Variants in ACTN2 observed in about 807,000 individuals in gnomAD.
The protein encoded by ACTN2 is alpha-actinin-2.
ACTN2 carries 39 observed loss-of-function variants against 113.8 expected under a neutral mutation model. That is an observed-to-expected ratio of 0.34 (90% CI 0.27 to 0.45). The LOEUF (loss-of-function observed/expected upper bound fraction) is 0.45. Ranked by LOEUF, ACTN2 falls within the 20% of genes least tolerant of loss-of-function variation. The pLI, the probability that ACTN2 is intolerant of heterozygous loss-of-function variation, is 1.00. For missense variants in ACTN2, 992 were observed against 1,177.9 expected (o/e 0.84, Z 2.31); for synonymous variants, 429 against 444.1 (o/e 0.97, Z 0.43).
At position 236,757,684 on chromosome 1, in the gene ACTN2, A is replaced by G. The variant is rs376216315; in HGVS notation, c.2301+52A>G. The G allele has an allele frequency of 3.7e-6, 6 of 1,604,784 alleles. No individual in the cohort carries two copies. The African/African-American group carries it at 6.7e-5, about 18-fold the overall frequency. ...CAATACTGGGGACATTAAACAATGT[A>G]TCTGAAATAATATGCATGCTCTCGT... On this transcript the variant is annotated intron_variant, in intron 18 of 20. Transcript: ENST00000366578.
Position 236,762,692 on chromosome 1 carries a change from CT to C in ACTN2, c.*76del, listed in dbSNP as rs1288440420. 2 of 1,538,338 alleles carry C rather than the reference CT, an allele frequency of 1.3e-6. No individual in the cohort carries two copies. Among genetic ancestry groups the C allele is most frequent in the African/African-American group, 2.7e-5 (2 of 72,798 alleles). On this transcript the variant is annotated 3_prime_UTR_variant, in exon 21 of 21. Transcript: ENST00000366578. Reference sequence around the variant, plus strand: ...GAAGTCACAGTTTGTTTCCTGGAAACTTTGACAAGCTTTATTAAGTTGAGAG... The same window carrying C: ...GAAGTCACAGTTTGTTTCCTGGAAACTTGACAAGCTTTATTAAGTTGAGAG...
intron 4 of ACTN2, among the ~76,000 whole-genome samples, chr1:236,725,679 C>T (rs926714984): frequency 3.9e-5 from 6 of 152,118 alleles, no homozygotes; most frequent in African/African-American, 7.2e-5. Flanking sequence ...TCACCAACCA[C>T]CCTGAAGTCT....
At position 236,755,019 on chromosome 1, in the gene ACTN2, G is replaced by A; in HGVS notation, c.1975G>A (p.Glu659Lys). ...IGPWIQNKME[E>K]IARSSIQITG... ...CTGCTTGCTCACTCGCCCCCCTCAG[G>A]AGATTGCCCGGAGCTCCATCCAGAT... The change falls in exon 17 of 21, where the codon GAG (glutamate) becomes AAG (lysine). Residue 659 changes from glutamate to lysine, a missense_variant and splice_region_variant. By Grantham distance (56) the Glu-to-Lys change is moderately conservative. Around this residue, in one of 3 missense-constraint regions of ACTN2, gnomAD observed 736 missense variants for 815.4 expected, o/e 0.90. Transcript: ENST00000366578. 1 of 1,614,178 alleles carries A rather than the reference G, an allele frequency of 6.2e-7. No homozygotes were observed. Among genetic ancestry groups the A allele is most frequent in the South Asian group, 1.1e-5 (1 of 91,076 alleles).
At chr1:236,701,774 T>C (rs1007932648) in intron 1 of ACTN2, among the ~76,000 whole-genome samples, 7 of 152,236 alleles carry the variant, frequency 4.6e-5, no homozygotes, top group African/African-American at 1.7e-4. Context: ...TTCTGAAAAT[T>C]ATAAGAATTT....
chr1:236,728,908 A>G (rs1658639118), intron 6 of ACTN2, among the ~76,000 whole-genome samples: 1 of 151,870 alleles, frequency 6.6e-6, no homozygotes, highest in South Asian at 2.1e-4. Context: ...ACAAAAACGT[A>G]GTTACAATGT....
chr1:236,759,756 C>T lies in ACTN2; in HGVS notation c.2334C>T (p.Phe778=), dbSNP rs1270492588. 1 of 1,614,028 alleles carries T rather than the reference C, an allele frequency of 6.2e-7. No homozygotes were observed. Among genetic ancestry groups the T allele is most frequent in the Non-Finnish European group, 8.5e-7 (1 of 1,180,012 alleles). Residue 778 remains phenylalanine (F), a synonymous_variant, in exon 19 of 21, where the codon TTC becomes TTT. Coordinates refer to ENST00000366578, the MANE Select transcript of ACTN2 (RefSeq NM_001103.4). ...ATGGCCTGATGGATCATGAGGATTT[C>T]AGAGCCTGCCTGATTTCCATGGGTT... ...RKNGLMDHED[F]RACLISMGYD...
rs5781923 is a variant in ACTN2, at chr1:236,725,636, T to TA, written c.449-290dup. ...AGTGAGACTGTGCCTCAAAAAAAAT[T>TA]AAAAAAAGTATTTTCATTTAAAAAG... is the stretch of plus-strand genomic sequence containing the variant. On this transcript the variant is annotated intron_variant, in intron 4 of 20. Coordinates refer to ENST00000366578, the MANE Select transcript of ACTN2 (RefSeq NM_001103.4). 0.9 allele frequency among the ~76,000 whole-genome samples: 137,261 copies of TA among 152,014 alleles called. 62,256 individuals carry two copies. Among genetic ancestry groups the TA allele is most frequent in the East Asian group, 0.98 (5,077 of 5,158 alleles).
intron 8 of ACTN2, among the ~76,000 whole-genome samples, chr1:236,736,077 G>T (rs768483537): frequency 4.6e-5 from 7 of 152,160 alleles, no homozygotes; most frequent in Admixed American, 2.0e-4. Context: ...TTTCCAACCC[G>T]GCCTTGTTCT....
At position 236,754,915 on chromosome 1, in the gene ACTN2, G is replaced by T; in HGVS notation, c.1975-104G>T. 1 of 1,369,866 alleles carries T rather than the reference G, an allele frequency of 7.3e-7. No individual in the cohort carries two copies. The allele number at this position is 1,369,866 out of a possible 1,614,324, so 84.9% of individuals were successfully genotyped here. A position where few individuals can be genotyped will look rare whatever the true frequency, so the allele number is the denominator to read the frequency against. ...GTGACACTGGCCGCTGCCTGACGCT[G>T]GCCTAGCATCCCATGCAGGGTCTGG... On this transcript the variant is annotated intron_variant, in intron 16 of 20. Transcript: ENST00000366578. This position sits in a 1 kb window ranked among gnomAD's most constrained non-coding sequence, Gnocchi z 4.9.
intron 15 of ACTN2, 123 bp from the exon 16 acceptor site, chr1:236,753,824 C>T: frequency 8.6e-7 from 1 of 1,166,726 alleles, no homozygotes; most frequent in Non-Finnish European, 1.3e-6. Context: ...CCCCTACACC[C>T]TCCTCCCTTC....
intron 8 of ACTN2, 56 bp from the exon 9 acceptor site, chr1:236,737,066 T>C: frequency 4.2e-6 from 6 of 1,436,232 alleles, no homozygotes; most frequent in Non-Finnish European, 1.9e-6. Flanking sequence ...CGTTCCATGC[T>C]GTGTGTGCGC....
In ACTN2 at chr1:236,724,626, G is replaced by A. The variant is rs190155779; in HGVS notation, c.449-1307G>A. Among the ~76,000 whole-genome samples, 10 of 152,318 alleles carry A rather than the reference G, an allele frequency of 6.6e-5. No homozygotes were observed. In the South Asian group the frequency reaches 1.7e-3, roughly 25 times the overall value. On this transcript the variant is annotated intron_variant, in intron 4 of 20. Transcript: ENST00000366578. The stretch of plus-strand genomic sequence containing the variant: ...TAGGCTGCCCTGAGAGGAGTCTCAC[G>A]TCGCATAGGGGTGTCTCAGCTCTGC...
chr1:236,698,931 T>C (rs1657597399), intron 1 of ACTN2, among the ~76,000 whole-genome samples: 1 of 152,180 alleles, frequency 6.6e-6, no homozygotes, highest in African/African-American at 2.4e-5. Flanking sequence ...GTTAAGTGAG[T>C]TGCCCAGCAG....
rs538302403 is a variant in ACTN2 at position 236,761,286 on chromosome 1, A to C, written c.2526+113A>C. The C allele has an allele frequency of 3.1e-6, 4 of 1,277,784 alleles. No homozygotes were observed. The Admixed American group carries it at 7.7e-5, about 24-fold the overall frequency. The allele number at this position is 1,277,784 out of a possible 1,614,324, so 79.2% of individuals were successfully genotyped here. A position where few individuals can be genotyped will look rare whatever the true frequency, so the allele number is the denominator to read the frequency against. On this transcript the variant is annotated intron_variant, in intron 20 of 20. Transcript: ENST00000366578. ...ATTTTTATGCCGGTGTATTTTGTAC[A>C]ACATTGGCACTGATTTCAGAAGGCA... is the stretch of plus-strand genomic sequence containing the variant.
intron 7 of ACTN2, among the ~76,000 whole-genome samples, chr1:236,734,867 A>C (rs2102915824): frequency 6.6e-6 from 1 of 152,308 alleles, no homozygotes; most frequent in South Asian, 2.1e-4. Context: ...TTTATGAACG[A>C]GGTTAAAAAG....
intron 2 of ACTN2, 144 bp downstream of exon 2, chr1:236,718,116 C>A: frequency 1.5e-6 from 1 of 683,372 alleles, no homozygotes; most frequent in Non-Finnish European, 2.6e-6. Context: ...TTCCAAAGAA[C>A]AATCTGCCTG....
chr1:236,734,941 G>GT (rs1239889689), intron 7 of ACTN2, among the ~76,000 whole-genome samples: 1 of 152,198 alleles, frequency 6.6e-6, no homozygotes, highest in Non-Finnish European at 1.5e-5. Flanking sequence ...TCATGGTTCT[G>GT]TTTTCTGTCT....
chr1:236,719,150 C>A, intron 3 of ACTN2, 137 bp downstream of exon 3: 2 of 1,203,898 alleles, frequency 1.7e-6, no homozygotes, highest in Non-Finnish European at 2.4e-6. Context: ...TCTCTTAGGG[C>A]GCTCGGTGCA....
intron 1 of ACTN2, among the ~76,000 whole-genome samples, chr1:236,689,334 T>C (rs1040840775): frequency 3.1e-4 from 11 of 35,058 alleles, no homozygotes; most frequent in African/African-American, 5.8e-4. Context: ...TATATATATA[T>C]ATATACACAC....
Sources: allele counts gnomAD v4.1 joint callset (sites outside exome capture counted in the v4.1 genomes callset), GRCh38; gene constraint gnomAD v4.1.1; regional missense constraint gnomAD v4.1.1; non-coding constraint Gnocchi (gnomAD v3.1); transcripts MANE v1.5; gene names NCBI Gene and HGNC (gene_info 2026-07-23, HGNC 2026-07-21).